Variants in CSNK1G1 observed in about 807,000 individuals in gnomAD.
CSNK1G1 encodes the protein casein kinase I isoform gamma-1.
Under a neutral mutation model 59.6 loss-of-function variants are expected in CSNK1G1, and 22 were observed. That is an observed-to-expected ratio of 0.37 (90% CI 0.26 to 0.53). The LOEUF is 0.53. CSNK1G1 is among the 20% of genes least tolerant of loss of function. The probability of loss-of-function intolerance (pLI) is 0.89; values close to 1 mark genes in which losing one functional copy is unlikely to be tolerated. For missense variants in CSNK1G1, 384 were observed against 519.5 expected (o/e 0.74, Z 2.54); for synonymous variants, 179 against 177.1 (o/e 1.01, Z -0.08).
At chr15:64,335,503 G>A (rs910413723) in intron 1 of CSNK1G1, among the ~76,000 whole-genome samples, 1 of 152,140 alleles carries the variant, frequency 6.6e-6, no homozygotes, top group Non-Finnish European at 1.5e-5. Flanking sequence ...AGGCAGCCTT[G>A]ATGATTGTCC....
At chr15:64,277,713 A>G (rs1298951510) in intron 2 of CSNK1G1, among the ~76,000 whole-genome samples, 3 of 131,012 alleles carry the variant, frequency 2.3e-5, no homozygotes, top group South Asian at 4.4e-4. Context: ...ATATATTAAT[A>G]TTGATATATT....
At chr15:64,293,554 C>G (rs541654421) in intron 2 of CSNK1G1, among the ~76,000 whole-genome samples, 6 of 152,162 alleles carry the variant, frequency 3.9e-5, no homozygotes, top group Admixed American at 2.6e-4. Context: ...AAATTGCAAA[C>G]GTACATATCC....
rs984258497 is a variant in CSNK1G1, at chr15:64,288,295, A to T, written c.181+12024T>A. 2.0e-5 allele frequency among the ~76,000 whole-genome samples: 3 copies of T among 152,356 alleles called. 1 individual carries two copies. In the South Asian group the frequency reaches 6.2e-4, roughly 32 times the overall value. On this transcript the variant is annotated intron_variant, in intron 2 of 11. Coordinates refer to ENST00000303052, the MANE Select transcript of CSNK1G1 (RefSeq NM_022048.5). ...TGTAAAAAAATTATTGAACCAAAAA[A>T]TATGACATAAGTATATTGGGAGAAT...
At chr15:64,251,327 T>C in intron 4 of CSNK1G1, 185 bp downstream of exon 4, 1 of 519,566 alleles carries the variant, frequency 1.9e-6, no homozygotes, top group Non-Finnish European at 3.4e-6. Flanking sequence ...AGTTCCCCTG[T>C]CAACTCAACT....
At chr15:64,236,142 C>CAAAAAAAAAAAAAAAAAAAAAAA (rs532663571) in intron 4 of CSNK1G1, among the ~76,000 whole-genome samples, 2 of 68,026 alleles carry the variant, frequency 2.9e-5, no homozygotes, top group Non-Finnish European at 6.7e-5. Context: ...GACTCCATCT[C>CAAAAAAAAAAAAAAAAAAAAAAA]AAAAAAAAAA....
At chr15:64,261,302 C>T (rs1892674925) in intron 2 of CSNK1G1, among the ~76,000 whole-genome samples, 1 of 152,084 alleles carries the variant, frequency 6.6e-6, no homozygotes, top group South Asian at 2.1e-4. Flanking sequence ...GTTACTGTGA[C>T]TTAAAACTAG....
intron 1 of CSNK1G1, among the ~76,000 whole-genome samples, chr15:64,345,469 T>C (rs370770319): frequency 1.3e-5 from 2 of 152,210 alleles, no homozygotes; most frequent in African/African-American, 4.8e-5. Context: ...TGACAAAGGC[T>C]CTTGTCCTTA....
chr15:64,342,529 A>C (rs542023602), intron 1 of CSNK1G1: 40 of 152,276 alleles, frequency 2.6e-4, no homozygotes, highest in African/African-American at 8.9e-4. Context: ...TGTGCAGATC[A>C]CCATCAGATT....
At chr15:64,321,043 T>G (rs912584292) in intron 1 of CSNK1G1, among the ~76,000 whole-genome samples, 5 of 152,128 alleles carry the variant, frequency 3.3e-5, no homozygotes, top group Non-Finnish European at 7.4e-5. Flanking sequence ...ATGAGATATT[T>G]ATAATGCTCT....
chr15:64,226,167 C>G (rs1317123975), intron 4 of CSNK1G1, among the ~76,000 whole-genome samples: 2 of 152,192 alleles, frequency 1.3e-5, no homozygotes, highest in Non-Finnish European at 2.9e-5. Context: ...GTGCTGGGCA[C>G]GTAAGCCACT....
intron 1 of CSNK1G1, among the ~76,000 whole-genome samples, chr15:64,323,228 C>T (rs139641677): frequency 1.4e-3 from 207 of 152,206 alleles, no homozygotes; most frequent in Middle Eastern, 3.4e-3. Context: ...CAACCAGCCT[C>T]CTCTTGCTTT....
intron 10 of CSNK1G1, among the ~76,000 whole-genome samples, chr15:64,182,477 C>A (rs1327177426): frequency 6.6e-6 from 1 of 152,128 alleles, no homozygotes. Flanking sequence ...ACTGATGAGG[C>A]ATATTGCATT....
intron 1 of CSNK1G1, among the ~76,000 whole-genome samples, chr15:64,331,920 A>G (rs1453517210): frequency 6.7e-6 from 1 of 150,196 alleles, no homozygotes; most frequent in Non-Finnish European, 1.5e-5. Flanking sequence ...AACACATGAA[A>G]AAATGCTCAT....
intron 2 of CSNK1G1, among the ~76,000 whole-genome samples, chr15:64,267,377 C>T (rs762406856): frequency 2.0e-5 from 3 of 151,226 alleles, no homozygotes; most frequent in Non-Finnish European, 4.4e-5. Flanking sequence ...GAAGAGACAA[C>T]CTAGAGGGAA....
chr15:64,333,354 C>A (rs1596289852), intron 1 of CSNK1G1, among the ~76,000 whole-genome samples: 1 of 120,008 alleles, frequency 8.3e-6, no homozygotes, highest in African/African-American at 3.1e-5. Context: ...AATCCCAGCA[C>A]TTTGGGAGGC....
At chr15:64,255,642 A>C (rs1185658369) in intron 3 of CSNK1G1, among the ~76,000 whole-genome samples, 2 of 152,192 alleles carry the variant, frequency 1.3e-5, no homozygotes, top group Non-Finnish European at 2.9e-5. Flanking sequence ...TTCTTAGGCA[A>C]AGTAATTTCA....
intron 3 of CSNK1G1, among the ~76,000 whole-genome samples, chr15:64,255,003 T>C (rs1376793256): frequency 6.6e-6 from 1 of 152,248 alleles, no homozygotes; most frequent in African/African-American, 2.4e-5. Context: ...TTCACTGTTA[T>C]GTGGGTATCC....
At chr15:64,326,047 CAG>C (rs960691249) in intron 1 of CSNK1G1, among the ~76,000 whole-genome samples, 11 of 152,186 alleles carry the variant, frequency 7.2e-5, no homozygotes, top group African/African-American at 2.7e-4. Flanking sequence ...GTTTTGGAAA[CAG>C]AGTCCTGCTC....
At chr15:64,197,008 A>T (rs906482373) in intron 10 of CSNK1G1, among the ~76,000 whole-genome samples, 4 of 152,208 alleles carry the variant, frequency 2.6e-5, no homozygotes, top group African/African-American at 9.7e-5. Flanking sequence ...TCATTCACTC[A>T]TTCATTCAAA....
Sources: allele counts gnomAD v4.1 joint callset (sites outside exome capture counted in the v4.1 genomes callset), GRCh38; gene constraint gnomAD v4.1.1; transcripts MANE v1.5; gene names NCBI Gene and HGNC (gene_info 2026-07-23, HGNC 2026-07-21).